MCF2L: variants seen among roughly 807,000 people sequenced by gnomAD.
MCF2L encodes the protein guanine nucleotide exchange factor DBS.
In MCF2L, 97 loss-of-function variants were observed where a neutral mutation model predicts 153.4. The observed-to-expected ratio is 0.63, with a 90% CI of 0.54 to 0.75. MCF2L has a LOEUF of 0.75. MCF2L is among the 30% of genes least tolerant of loss of function. The pLI, the probability that MCF2L is intolerant of heterozygous loss-of-function variation, is 0.00. For missense variants in MCF2L, 1,347 were observed against 1,495.2 expected (o/e 0.90, Z 1.64); for synonymous variants, 659 against 632.2 (o/e 1.04, Z -0.64).
intron 8 of MCF2L, among the ~76,000 whole-genome samples, chr13:113,067,431 G>A (rs1368933047): frequency 6.0e-4 from 32 of 53,686 alleles, no homozygotes; most frequent in Admixed American, 3.3e-3. Flanking sequence ...GCAGTGAGCC[G>A]AGATTGCACC....
chr13:112,967,438 TACTC>T (rs1416219478), upstream of MCF2L: 5 of 152,234 alleles, frequency 3.3e-5, no homozygotes, highest in African/African-American at 1.2e-4. Context: ...AAACTGCTGA[TACTC>T]AATACGTTTC....
intron 2 of MCF2L, among the ~76,000 whole-genome samples, chr13:112,905,794 C>T (rs1433045203): frequency 1.3e-5 from 2 of 152,184 alleles, no homozygotes; most frequent in Non-Finnish European, 2.9e-5. Flanking sequence ...CATCCACGGA[C>T]GTTTGGGTCA....
chr13:112,921,037 T>C (rs1462504934), intron 2 of MCF2L, among the ~76,000 whole-genome samples: 22 of 145,124 alleles, frequency 1.5e-4, no homozygotes, highest in Non-Finnish European at 2.0e-4. Context: ...ATTAGCCGGG[T>C]GTGGTGGCGG....
chr13:112,904,600 C>A lies in MCF2L; in HGVS notation c.169+2229C>A, dbSNP rs537801427. 6.6e-6 allele frequency among the ~76,000 whole-genome samples: 1 copy of A among 152,386 alleles called. No individual in the cohort carries two copies. Among genetic ancestry groups the A allele is most frequent in the East Asian group, 1.9e-4 (1 of 5,192 alleles). ...TCCTGGAGGCCCAGGGCTGGCTTTA[C>A]CAAGAAAGCCCTTTAGGCAGCTTCC... On this transcript the variant is annotated intron_variant, in intron 2 of 29. Coordinates refer to the MCF2L transcript ENST00000375608. The surrounding 1 kb of genome is among the most constrained non-coding windows in gnomAD (Gnocchi z 4.2).
rs1488104580 is a variant in MCF2L, at chr13:112,969,738, C to G, written c.79+280C>G. On this transcript the variant is annotated intron_variant, in intron 1 of 29. Transcript: ENST00000535094. This position sits in a 1 kb window ranked among gnomAD's most constrained non-coding sequence, Gnocchi z 4.8. ...AGCCATTTGTGTGTCTGAAGTCTGCCCATCAACCTGCCTGTCCGCAGCCCT... is the reference window on the plus strand; with the variant it reads ...AGCCATTTGTGTGTCTGAAGTCTGCGCATCAACCTGCCTGTCCGCAGCCCT... 1.3e-5 allele frequency among the ~76,000 whole-genome samples: 2 copies of G among 152,096 alleles called. No homozygotes were observed. The highest frequency in any genetic ancestry group is 2.9e-5 in the Non-Finnish European group (2 of 68,006).
At chr13:112,965,729 C>T (rs921958049), upstream of MCF2L, 1 of 152,258 alleles carries the variant, frequency 6.6e-6, no homozygotes, top group African/African-American at 2.4e-5. Context: ...TTTCTCACCT[C>T]CGCTTTGTGG....
intron 1 of MCF2L, among the ~76,000 whole-genome samples, chr13:113,007,631 C>A (rs928982647): frequency 6.6e-6 from 1 of 152,258 alleles, no homozygotes; most frequent in African/African-American, 2.4e-5. Context: ...GCGGGGCCGG[C>A]TGTACAGACA....
chr13:112,900,097 C>T (rs561727501), intron 1 of MCF2L, among the ~76,000 whole-genome samples: 21 of 152,240 alleles, frequency 1.4e-4, no homozygotes, highest in Admixed American at 1.1e-3. Context: ...TTTCAGATCA[C>T]GATCAGCCAG....
intron 1 of MCF2L, chr13:113,010,230 A>C (rs917540501): frequency 6.6e-6 from 1 of 151,552 alleles, no homozygotes; most frequent in African/African-American, 2.4e-5. Flanking sequence ...GATACTGCTC[A>C]GACGTCTTGG....
At chr13:112,894,852 G>T (rs1261487465) in intron 1 of MCF2L, among the ~76,000 whole-genome samples, 2 of 152,120 alleles carry the variant, frequency 1.3e-5, no homozygotes, top group African/African-American at 4.8e-5. Context: ...GCGATGGGGG[G>T]CCAGTGTCCA....
chr13:112,904,697 G>A lies in MCF2L; in HGVS notation c.169+2326G>A, dbSNP rs1172737757. ...TCTGAGCGGTGAAGCCCTTCTGGCT[G>A]TCCTTGCCTCGTCTGCTCTGTGGAA... On this transcript the variant is annotated intron_variant, in intron 2 of 29. Coordinates refer to the MCF2L transcript ENST00000375608. The surrounding 1 kb of genome is among the most constrained non-coding windows in gnomAD (Gnocchi z 4.2). 1.3e-5 allele frequency among the ~76,000 whole-genome samples: 2 copies of A among 152,228 alleles called. No homozygotes were observed. Among genetic ancestry groups the A allele is most frequent in the African/African-American group, 4.8e-5 (2 of 41,458 alleles).
intron 4 of MCF2L, among the ~76,000 whole-genome samples, chr13:113,059,473 T>G (rs2030998502): frequency 6.6e-6 from 1 of 152,242 alleles, no homozygotes; most frequent in Non-Finnish European, 1.5e-5. Flanking sequence ...ATGTCATATT[T>G]TAGGTGCATT....
chr13:112,930,470 G>A (rs2140618846), intron 2 of MCF2L, among the ~76,000 whole-genome samples: 1 of 152,314 alleles, frequency 6.6e-6, no homozygotes, highest in Non-Finnish European at 1.5e-5. Context: ...TTCCAACTCT[G>A]TGATATTCTG....
chr13:112,951,841 C>T lies in MCF2L; in HGVS notation c.169+49470C>T, dbSNP rs891136435. ...TACACAAGACCTCTGTTTACTGTTT[C>T]TCACAACTGCATGTGAACCTACAGT... On this transcript the variant is annotated intron_variant, in intron 2 of 29. Transcript: ENST00000375608. This position sits in a 1 kb window ranked among gnomAD's most constrained non-coding sequence, Gnocchi z 4.8. Among the ~76,000 whole-genome samples, 4 of 152,214 alleles carry T rather than the reference C, an allele frequency of 2.6e-5. No individual in the cohort carries two copies. Among genetic ancestry groups the T allele is most frequent in the African/African-American group, 9.7e-5 (4 of 41,450 alleles).
At position 112,943,238 on chromosome 13, in the gene MCF2L, G is replaced by A. The variant is rs543017590; in HGVS notation, c.169+40867G>A. On this transcript the variant is annotated intron_variant, in intron 2 of 29. Coordinates refer to the MCF2L transcript ENST00000375608. This position sits in a 1 kb window ranked among gnomAD's most constrained non-coding sequence, Gnocchi z 4.2. ...CCATGTTTCCCACTGGCACAGGTGG[G>A]GCGGCCACGCCTGTGCCCGCGGCGC... is the stretch of plus-strand genomic sequence containing the variant. Among the ~76,000 whole-genome samples the A allele has an allele frequency of 4.3e-4, 66 of 152,316 alleles. No individual in the cohort carries two copies. The highest frequency in any genetic ancestry group is 1.5e-3 in the African/African-American group (63 of 41,584).
chr13:113,084,888 G>A lies in MCF2L; in HGVS notation c.2062-4G>A, dbSNP rs962465812. ...CGTGATGCGGTGCCTGTCCCTCGGT[G>A]CAGATGGAAGATTTCCAGATCTATG... On this transcript the variant is annotated splice_polypyrimidine_tract_variant and splice_region_variant and intron_variant, in intron 18 of 29. Coordinates refer to ENST00000535094, the MANE Select transcript of MCF2L (RefSeq NM_001112732.3). 21 of 1,611,752 alleles carry A rather than the reference G, an allele frequency of 1.3e-5. No homozygotes were observed. Among genetic ancestry groups the A allele is most frequent in the Non-Finnish European group, 1.4e-5 (17 of 1,178,094 alleles).
In MCF2L at chr13:112,993,825, CTGCCTCCAGTTAAGAGACGTGTT is replaced by C. The variant is rs1394492734; in HGVS notation, c.80-20930_80-20908del. On this transcript the variant is annotated intron_variant, in intron 1 of 29. Transcript: ENST00000535094. This position sits in a 1 kb window ranked among gnomAD's most constrained non-coding sequence, Gnocchi z 4.6. ...ATGACACCACAGATACCTTGGAGAT[CTGCCTCCAGTTAAGAGACGTGTT>C]TGCCTCCTGGGTGGGTAGGATTTTC... is the stretch of plus-strand genomic sequence containing the variant. Among the ~76,000 whole-genome samples the C allele has an allele frequency of 6.6e-6, 1 of 152,132 alleles. No individual in the cohort carries two copies. Among genetic ancestry groups the C allele is most frequent in the Non-Finnish European group, 1.5e-5 (1 of 68,026 alleles).
At position 113,046,984 on chromosome 13, in the gene MCF2L, C is replaced by G. The variant is rs1026280781; in HGVS notation, c.369+1623C>G. On this transcript the variant is annotated intron_variant, in intron 4 of 29. Transcript: ENST00000535094. The surrounding 1 kb of genome is among the most constrained non-coding windows in gnomAD (Gnocchi z 4.4). Reference sequence around the variant, plus strand: ...AGTTCTGCAGGCTGCACAGGCTTAGCACCTGCATCTTCTCAGCTTCTGAGG... The same window carrying G: ...AGTTCTGCAGGCTGCACAGGCTTAGGACCTGCATCTTCTCAGCTTCTGAGG... 6.0e-6 allele frequency: 1 copy of G among 166,840 alleles called. No individual in the cohort carries two copies. The highest frequency in any genetic ancestry group is 2.4e-5 in the African/African-American group (1 of 41,620). The allele number at this position is 166,840 out of a possible 1,614,324, so 10.3% of individuals were successfully genotyped here. A position where few individuals can be genotyped will look rare whatever the true frequency, so the allele number is the denominator to read the frequency against.
At chr13:113,077,775 G>T (rs1470295383) in intron 13 of MCF2L, among the ~76,000 whole-genome samples, 2 of 152,182 alleles carry the variant, frequency 1.3e-5, no homozygotes, top group Admixed American at 1.3e-4. Flanking sequence ...CCACCTCTGT[G>T]TCTCAAAACG....
Sources: gnomAD v4.1 joint callset for allele counts (sites outside exome capture counted in the v4.1 genomes callset) on GRCh38, gnomAD v4.1.1 for gene constraint, Gnocchi (gnomAD v3.1) non-coding constraint, MANE v1.5 for transcripts, NCBI Gene and HGNC (gene_info 2026-07-23, HGNC 2026-07-21) for gene names.